EPB41: variants seen among roughly 807,000 people sequenced by gnomAD.
The protein encoded by EPB41 is protein 4.1.
A neutral mutation model predicts 108.0 loss-of-function variants in EPB41; 65 were observed. The ratio of observed to expected loss-of-function variants is 0.60; its 90% CI spans 0.49 to 0.74. The LOEUF is 0.74. Among genes scored for constraint, EPB41 ranks in the 30% least tolerant of loss-of-function variants. The pLI, the probability that EPB41 is intolerant of heterozygous loss-of-function variation, is 0.00. For synonymous variants in EPB41, 336 were observed against 358.9 expected (o/e 0.94, Z 0.72); for missense variants, 875 against 1,037.0 (o/e 0.84, Z 2.15).
intron 7 of EPB41, among the ~76,000 whole-genome samples, chr1:29,022,439 T>G (rs973407973): frequency 6.6e-6 from 1 of 151,466 alleles, no homozygotes; most frequent in African/African-American, 2.4e-5. Context: ...AAGAATATTT[T>G]AGGCCAGGCG....
intron 15 of EPB41, among the ~76,000 whole-genome samples, chr1:29,063,682 T>C (rs139321696): frequency 6.6e-6 from 1 of 152,314 alleles, no homozygotes; most frequent in African/African-American, 2.4e-5. Flanking sequence ...TCACCAAGCA[T>C]ATTAGGAGAT....
At chr1:28,981,638 A>G (rs1051921515) in intron 1 of EPB41, among the ~76,000 whole-genome samples, 1 of 152,156 alleles carries the variant, frequency 6.6e-6, no homozygotes, top group Non-Finnish European at 1.5e-5. Flanking sequence ...TCTGTATTTC[A>G]TCTTCACATC....
chr1:29,057,732 GT>G (rs563622623), intron 12 of EPB41, among the ~76,000 whole-genome samples: 1 of 151,868 alleles, frequency 6.6e-6, no homozygotes, highest in Non-Finnish European at 1.5e-5. Flanking sequence ...TTAATAGTCT[GT>G]TTTTTTTAAA....
chr1:29,036,556 C>T (rs1306997161), intron 10 of EPB41, among the ~76,000 whole-genome samples: 8 of 151,180 alleles, frequency 5.3e-5, no homozygotes, highest in Non-Finnish European at 7.4e-5. Context: ...CCACTGTGCC[C>T]GGACGGAATT....
chr1:28,905,963 G>A (rs551036188), intron 1 of EPB41, among the ~76,000 whole-genome samples: 7 of 151,846 alleles, frequency 4.6e-5, no homozygotes, highest in East Asian at 3.9e-4. Context: ...TACTACAGGC[G>A]CCCACCACCA....
At chr1:28,967,386 G>A (rs1322167175) in intron 1 of EPB41, among the ~76,000 whole-genome samples, 1 of 152,152 alleles carries the variant, frequency 6.6e-6, no homozygotes, top group South Asian at 2.1e-4. Context: ...GAAAGTTACT[G>A]ATACTTTGGA....
rs545764115 is a variant in EPB41, at chr1:29,075,152, G to A, written c.2184+9994G>A. ...AGCCTGGGCGACAGAGTGAGACTCC[G>A]TCTCAAAAAAAAAAAAAAAAAAATC... On this transcript the variant is annotated intron_variant, in intron 16 of 20. Transcript: ENST00000343067. 3.9e-3 allele frequency among the ~76,000 whole-genome samples: 273 copies of A among 69,400 alleles called. 1 individual carries two copies. The highest frequency in any genetic ancestry group is 6.7e-3 in the Non-Finnish European group (226 of 33,502). 45.5% of individuals were successfully genotyped at this position (69,400 alleles called of 152,430 possible). A position where few individuals can be genotyped will look rare whatever the true frequency, so the allele number is the denominator to read the frequency against.
chr1:29,087,627 C>G (rs1659612000), intron 16 of EPB41, among the ~76,000 whole-genome samples: 1 of 152,130 alleles, frequency 6.6e-6, no homozygotes, highest in South Asian at 2.1e-4. Flanking sequence ...TCCCAAAGTG[C>G]TGGGATTGTA....
chr1:28,923,115 T>TC (rs1382638464), intron 1 of EPB41, among the ~76,000 whole-genome samples: 11 of 140,188 alleles, frequency 7.8e-5, no homozygotes, highest in Non-Finnish European at 1.5e-4. Flanking sequence ...TCTTTTCTTT[T>TC]TTTTTTTTTT....
intron 4 of EPB41, 89 bp from the exon 5 acceptor site, chr1:29,011,776 A>G: frequency 1.4e-6 from 2 of 1,405,488 alleles, no homozygotes; most frequent in East Asian, 2.3e-5. Context: ...TGGAGGCACT[A>G]TTTGAAGATA....
chr1:29,035,067 T>C (rs2985336), intron 9 of EPB41, among the ~76,000 whole-genome samples: 49,736 of 145,536 alleles, frequency 0.34, 10,198 homozygotes, highest in African/African-American at 0.58. Context: ...CCGCAACCTC[T>C]ACCTCTCAGG....
chr1:28,925,243 G>C (rs1045877283), intron 1 of EPB41, among the ~76,000 whole-genome samples: 2 of 152,050 alleles, frequency 1.3e-5, no homozygotes, highest in Non-Finnish European at 2.9e-5. Context: ...GATTACAGGC[G>C]TGAGCCACCG....
chr1:29,106,807 G>T (rs1293863793), intron 17 of EPB41, among the ~76,000 whole-genome samples: 1 of 150,954 alleles, frequency 6.6e-6, no homozygotes, highest in Admixed American at 6.6e-5. Context: ...TCCTGACCTC[G>T]TGATCCGCCT....
chr1:28,993,661 T>C lies in EPB41; in HGVS notation c.681+119T>C, dbSNP rs544572133. On this transcript the variant is annotated intron_variant, in intron 3 of 20. Coordinates refer to ENST00000343067, the MANE Select transcript of EPB41 (RefSeq NM_001376013.1). ...TGTAGTGATTATTTCTTTTTTCTTT[T>C]TTTTTTTTTTTTTGAGACAGAGTTT... 1,741 of 816,580 alleles carry C rather than the reference T, an allele frequency of 2.1e-3. 2 individuals are homozygous for C. The highest frequency in any genetic ancestry group is 0.021 in the Middle Eastern group (55 of 2,584). 50.6% of individuals were successfully genotyped at this position (816,580 alleles called of 1,614,324 possible).
intron 1 of EPB41, among the ~76,000 whole-genome samples, chr1:28,961,120 G>C (rs1054074251): frequency 6.7e-6 from 1 of 148,754 alleles, no homozygotes; most frequent in African/African-American, 2.5e-5. Context: ...TTTACTCATT[G>C]TATGTATCTA....
chr1:29,096,401 G>A, intron 16 of EPB41: 1 of 985,910 alleles, frequency 1.0e-6, no homozygotes, highest in Non-Finnish European at 1.2e-6. Flanking sequence ...AGGCCCAACT[G>A]GGGGATGTAT....
intron 1 of EPB41, among the ~76,000 whole-genome samples, chr1:28,978,349 T>G (rs1056892570): frequency 6.6e-6 from 1 of 151,510 alleles, no homozygotes; most frequent in African/African-American, 2.4e-5. Context: ...TCCTGAAAGA[T>G]CAAAATCCCT....
chr1:29,120,041 ACTCT>A (rs931803373), downstream of EPB41: 15 of 152,388 alleles, frequency 9.8e-5, no homozygotes, highest in South Asian at 1.2e-3. Context: ...AACAAAAAGA[ACTCT>A]CTCTGTGAGG....
At chr1:29,020,719 G>A (rs1363261933) in intron 7 of EPB41, among the ~76,000 whole-genome samples, 1 of 151,992 alleles carries the variant, frequency 6.6e-6, no homozygotes, top group Non-Finnish European at 1.5e-5. Context: ...GTGTAGTGGT[G>A]TGATCATAGC....
Sources: gnomAD v4.1 joint callset for allele counts (sites outside exome capture counted in the v4.1 genomes callset) on GRCh38, gnomAD v4.1.1 for gene constraint, MANE v1.5 for transcripts, NCBI Gene and HGNC (gene_info 2026-07-23, HGNC 2026-07-21) for gene names.